Variants in RNF13 observed in about 807,000 individuals in gnomAD.
RNF13 encodes the protein ring finger protein 13.
Under a neutral mutation model 37.7 loss-of-function variants are expected in RNF13, and 19 were observed. The ratio of observed to expected loss-of-function variants is 0.50; its 90% confidence interval spans 0.35 to 0.74. RNF13 has a LOEUF of 0.74. RNF13 is among the 30% of genes least tolerant of loss of function. The pLI, the probability that RNF13 is intolerant of heterozygous loss-of-function variation, is 0.01. For synonymous variants in RNF13, 144 were observed against 157.8 expected (o/e 0.91, Z 0.65); for missense variants, 375 against 453.0 (o/e 0.83, Z 1.56).
intron 1 of RNF13, among the ~76,000 whole-genome samples, chr3:149,819,965 G>A (rs1719862902): frequency 6.6e-6 from 1 of 151,884 alleles, no homozygotes; most frequent in African/African-American, 2.4e-5. Flanking sequence ...TCAATTTTGT[G>A]GTTATAGAGT....
At chr3:149,873,415 A>G (rs1309515341) in intron 4 of RNF13, among the ~76,000 whole-genome samples, 2 of 152,218 alleles carry the variant, frequency 1.3e-5, no homozygotes, top group Admixed American at 6.5e-5. Context: ...GAATGAATAC[A>G]GTAGGCTTGT....
chr3:149,930,354 C>CA (rs1175344677), intron 8 of RNF13, among the ~76,000 whole-genome samples: 11 of 151,816 alleles, frequency 7.2e-5, no homozygotes, highest in African/African-American at 2.4e-4. Flanking sequence ...TGTTGGTATC[C>CA]AAAAAAAGAA....
chr3:149,885,183 C>G lies in RNF13; in HGVS notation c.322-10290C>G, dbSNP rs138352215. 1.8e-4 allele frequency among the ~76,000 whole-genome samples: 28 copies of G among 152,214 alleles called. No individual in the cohort carries two copies. In the East Asian group the frequency reaches 5.4e-3, roughly 29 times the overall value. ...TTGGCTATTGTGAACAGTGCTGCAA[C>G]AAACATGGGAGCTTGGGTATCTCTT... On this transcript the variant is annotated intron_variant, in intron 4 of 9. Transcript: ENST00000392894.
chr3:149,838,625 G>A (rs1721885641), intron 1 of RNF13, among the ~76,000 whole-genome samples: 1 of 152,202 alleles, frequency 6.6e-6, no homozygotes, highest in Non-Finnish European at 1.5e-5. Context: ...AGGGCACCAA[G>A]TCCCAAGACT....
intron 8 of RNF13, chr3:149,938,935 G>A: frequency 2.6e-6 from 1 of 383,306 alleles, no homozygotes; most frequent in South Asian, 2.4e-5. Flanking sequence ...GATATCAACT[G>A]TTACAGAAAT....
intron 6 of RNF13, 41 bp downstream of exon 6, chr3:149,902,203 T>C: frequency 2.1e-6 from 2 of 935,032 alleles, no homozygotes; most frequent in Non-Finnish European, 3.3e-6. Flanking sequence ...TTAAAATTCT[T>C]CTTTATATTA....
At chr3:149,833,792 CATCAAAATT>C (rs1199228961) in intron 1 of RNF13, among the ~76,000 whole-genome samples, 1 of 152,114 alleles carries the variant, frequency 6.6e-6, no homozygotes, top group Non-Finnish European at 1.5e-5. Flanking sequence ...AAATGAAAGG[CATCAAAATT>C]AGAAAGGAAT....
At chr3:149,941,264 A>C (rs1720230446) in intron 8 of RNF13, among the ~76,000 whole-genome samples, 1 of 152,020 alleles carries the variant, frequency 6.6e-6, no homozygotes, top group African/African-American at 2.4e-5. Flanking sequence ...TAATTTTAGG[A>C]GTATCTCCTT....
At chr3:149,879,501 T>A (rs1384261211) in intron 4 of RNF13, among the ~76,000 whole-genome samples, 1 of 151,530 alleles carries the variant, frequency 6.6e-6, no homozygotes, top group East Asian at 1.9e-4. Context: ...TGAGAGGGGG[T>A]CTTGTTATGT....
chr3:149,820,443 A>G (rs1209640958), intron 1 of RNF13, among the ~76,000 whole-genome samples: 12 of 152,198 alleles, frequency 7.9e-5, no homozygotes, highest in Non-Finnish European at 5.9e-5. Context: ...GGAGCTGGTG[A>G]TAAATGAATA....
chr3:149,871,151 C>T (rs891605551), intron 3 of RNF13, among the ~76,000 whole-genome samples: 1 of 151,198 alleles, frequency 6.6e-6, no homozygotes, highest in Non-Finnish European at 1.5e-5. Context: ...AAGCCATTCT[C>T]CTGCCTCAGC....
rs869289029 is a variant in RNF13 at position 149,947,407 on chromosome 3, C to CTT, written c.701-12636_701-12635dup. ...TTGCTGCTCATTTCTTCTTTCAGTT[C>CTT]TTTTTTTTTTTTTTAAAGGCGGAGT... On this transcript the variant is annotated intron_variant, in intron 8 of 9. Transcript: ENST00000392894. 1.6e-3 allele frequency among the ~76,000 whole-genome samples: 225 copies of CTT among 140,124 alleles called. 1 individual carries two copies. Among genetic ancestry groups the CTT allele is most frequent in the African/African-American group, 5.6e-3 (212 of 38,182 alleles). 91.9% of individuals were successfully genotyped at this position (140,124 alleles called of 152,430 possible). A position where few individuals can be genotyped will look rare whatever the true frequency, so the allele number is the denominator to read the frequency against.
intron 4 of RNF13, among the ~76,000 whole-genome samples, chr3:149,878,495 G>A (rs753139359): frequency 6.6e-6 from 1 of 152,112 alleles, no homozygotes; most frequent in African/African-American, 2.4e-5. Context: ...AATATTGGCA[G>A]GATTGCTTGC....
intron 8 of RNF13, among the ~76,000 whole-genome samples, chr3:149,956,803 A>G (rs1052727470): frequency 1.3e-5 from 2 of 152,110 alleles, no homozygotes; most frequent in Non-Finnish European, 2.9e-5. Flanking sequence ...AGGGGTTTCT[A>G]TGAGGGTTTC....
intron 1 of RNF13, among the ~76,000 whole-genome samples, chr3:149,823,779 T>A (rs902395146): frequency 1.2e-4 from 18 of 152,212 alleles, no homozygotes; most frequent in Admixed American, 9.2e-4. Context: ...TACAAGTGAT[T>A]ACTTTGAACT....
chr3:149,913,412 G>A (rs995539517), intron 7 of RNF13, among the ~76,000 whole-genome samples: 3 of 152,208 alleles, frequency 2.0e-5, no homozygotes, highest in East Asian at 1.9e-4. Flanking sequence ...CTGTTCATCC[G>A]TCATCTACTT....
chr3:149,901,399 A>G (rs576214737), intron 5 of RNF13, among the ~76,000 whole-genome samples: 1 of 152,260 alleles, frequency 6.6e-6, no homozygotes, highest in African/African-American at 2.4e-5. Context: ...TTCCTGAGTA[A>G]TGGGTAATTT....
chr3:149,870,773 A>G (rs1393815447), intron 3 of RNF13, among the ~76,000 whole-genome samples: 2 of 151,820 alleles, frequency 1.3e-5, no homozygotes, highest in African/African-American at 4.8e-5. Flanking sequence ...TACATTTTAT[A>G]CCCAAGATAT....
intron 4 of RNF13, among the ~76,000 whole-genome samples, chr3:149,872,944 A>G (rs1306721584): frequency 6.6e-6 from 1 of 152,370 alleles, no homozygotes; most frequent in Non-Finnish European, 1.5e-5. Context: ...GAAAATGTAT[A>G]GTACTGTATA....
Sources: allele counts gnomAD v4.1 joint callset (sites outside exome capture counted in the v4.1 genomes callset), GRCh38; gene constraint gnomAD v4.1.1; transcripts MANE v1.5; gene names NCBI Gene and HGNC (gene_info 2026-07-23, HGNC 2026-07-21).